Variants in RNF135 observed in about 807,000 individuals in gnomAD.
RNF135 encodes the protein ring finger protein 135.
In RNF135, 46 loss-of-function variants were observed where a neutral mutation model predicts 41.9. That is an observed-to-expected ratio of 1.10 (90% CI 0.87 to 1.40). The LOEUF is 1.40. Ranked by LOEUF, RNF135 falls within the 40% of genes most tolerant of loss-of-function variation. The pLI is 0.00. For synonymous variants in RNF135, 238 were observed against 223.8 expected (o/e 1.06, Z -0.57); for missense variants, 539 against 549.8 (o/e 0.98, Z 0.20).
At chr17:30,968,030 G>C (rs1158220631), upstream of RNF135, among the ~76,000 whole-genome samples, 1 of 152,062 alleles carries the variant, frequency 6.6e-6, no homozygotes, top group Non-Finnish European at 1.5e-5. Flanking sequence ...TAGCACTTGG[G>C]AGGATGAGGT....
intron 3 of RNF135, among the ~76,000 whole-genome samples, chr17:30,988,590 C>G (rs1907764004): frequency 6.6e-6 from 1 of 151,230 alleles, no homozygotes; most frequent in African/African-American, 2.4e-5. Flanking sequence ...ACCATGCTGG[C>G]TAATTTTTTG....
At chr17:30,974,519 T>A (rs2142662755) in intron 1 of RNF135, among the ~76,000 whole-genome samples, 1 of 152,124 alleles carries the variant, frequency 6.6e-6, no homozygotes, top group Non-Finnish European at 1.5e-5. Flanking sequence ...TTAACAATAT[T>A]AAGTCTTCTT....
At position 30,977,648 on chromosome 17, in the gene RNF135, A is replaced by G. The variant is rs1190847177; in HGVS notation, c.372+6203A>G. 2.0e-5 allele frequency among the ~76,000 whole-genome samples: 3 copies of G among 152,284 alleles called. No individual in the cohort carries two copies. In the East Asian group the frequency reaches 5.8e-4, roughly 29 times the overall value. ...CTCAGCCTCCCAAAGTGCTGGGATT[A>G]CAGGCCACCTCCTGGGTTCAAGCGA... On this transcript the variant is annotated intron_variant, in intron 1 of 4. Coordinates refer to ENST00000328381, the MANE Select transcript of RNF135 (RefSeq NM_032322.4).
the RNF135 span, among the ~76,000 whole-genome samples, chr17:30,961,692 G>A: frequency 1.3e-5 from 2 of 151,832 alleles, no homozygotes; most frequent in African/African-American, 2.4e-5. Flanking sequence ...TCAAACTCCC[G>A]ACCTCAGGTG....
chr17:30,966,408 TATTTTATTTTTTTA>T (rs1226137450), upstream of RNF135, among the ~76,000 whole-genome samples: 9 of 134,010 alleles, frequency 6.7e-5, no homozygotes, highest in African/African-American at 3.4e-4. Context: ...TTTTTTATTT[TATTTTATTTTTTTA>T]TTTATTTTTA....
chr17:30,978,976 G>T, intron 1 of RNF135: 1 of 199,760 alleles, frequency 5.0e-6, no homozygotes, highest in South Asian at 6.0e-5. Flanking sequence ...TCTTAGTACA[G>T]AACAAAATGA....
At chr17:30,993,374 T>C (rs1908124042) in intron 3 of RNF135, among the ~76,000 whole-genome samples, 1 of 151,822 alleles carries the variant, frequency 6.6e-6, no homozygotes, top group African/African-American at 2.4e-5. Flanking sequence ...CTTGGCCTTA[T>C]TTATTTTTTA....
At chr17:30,970,840 C>T, upstream of RNF135, 1 of 600,870 alleles carries the variant, frequency 1.7e-6, no homozygotes, top group Non-Finnish European at 2.8e-6. Context: ...ATGTTGGTTT[C>T]CCAGGGCAAG....
intron 3 of RNF135, among the ~76,000 whole-genome samples, chr17:30,990,221 A>G (rs1290495504): frequency 1.3e-5 from 2 of 151,836 alleles, no homozygotes; most frequent in African/African-American, 4.8e-5. Context: ...TTAAAATTTC[A>G]TATTCAAAAA....
At chr17:30,983,349 A>AT (rs1907339481) in intron 1 of RNF135, among the ~76,000 whole-genome samples, 3 of 38,702 alleles carry the variant, frequency 7.8e-5, no homozygotes, top group Non-Finnish European at 1.5e-4. Context: ...ATATATATAT[A>AT]TATATTTTTT....
intron 1 of RNF135, among the ~76,000 whole-genome samples, chr17:30,974,601 T>G (rs186970608): frequency 6.6e-6 from 1 of 151,794 alleles, no homozygotes; most frequent in African/African-American, 2.4e-5. Context: ...TTTTTTTTTT[T>G]GTAGTTTTAA....
chr17:30,971,443 C>T lies in RNF135; in HGVS notation c.370C>T (p.Arg124Trp). The T allele has an allele frequency of 4.7e-6, 7 of 1,503,760 alleles. No homozygotes were observed. Among genetic ancestry groups the T allele is most frequent in the Non-Finnish European group, 4.4e-6 (5 of 1,134,822 alleles). 93.2% of individuals were successfully genotyped at this position (1,503,760 alleles called of 1,614,324 possible). Residue 124 changes from arginine to tryptophan, a missense_variant and splice_region_variant, in exon 1 of 5, where the codon CGG (arginine) becomes TGG (tryptophan). This residue lies in a region of RNF135 where 277 missense variants were observed against 212.8 expected (regional missense o/e 1.30). Transcript: ENST00000328381. ...GCCCCGGCGCCGCCCGGAACTGCAG[C>T]GGGTAGGGAGGCCGGGCCCGCAGCT... ...ARPRRRPELQ[R>W]VAVEKSITEV...
chr17:30,980,772 G>A (rs1383554815), intron 1 of RNF135, among the ~76,000 whole-genome samples: 9 of 145,902 alleles, frequency 6.2e-5, no homozygotes, highest in Admixed American at 2.0e-4. Flanking sequence ...ATGGGCGGCC[G>A]GGCAGAGACG....
At chr17:30,973,837 T>C (rs1906211807) in intron 1 of RNF135, among the ~76,000 whole-genome samples, 1 of 152,176 alleles carries the variant, frequency 6.6e-6, no homozygotes, top group Non-Finnish European at 1.5e-5. Context: ...TTGTATATGG[T>C]GTGAATTAGG....
chr17:30,987,810 G>A (rs972790350), intron 2 of RNF135, 134 bp from the exon 3 acceptor site: 2 of 780,972 alleles, frequency 2.6e-6, no homozygotes, highest in Non-Finnish European at 4.2e-6. Context: ...ATTTTTTGAG[G>A]GCCTAATTTT....
At chr17:30,975,652 A>T in intron 1 of RNF135, 1 of 1,241,150 alleles carries the variant, frequency 8.1e-7, no homozygotes, top group Non-Finnish European at 1.2e-6. Context: ...CACAACCGCC[A>T]ATACCGGAGG....
At chr17:30,963,683 A>C in the RNF135 span, among the ~76,000 whole-genome samples, 2 of 152,190 alleles carry the variant, frequency 1.3e-5, no homozygotes, top group Non-Finnish European at 2.9e-5. Context: ...ATTTTCTTCC[A>C]GTCCATAGTT....
intron 2 of RNF135, among the ~76,000 whole-genome samples, chr17:30,987,452 G>A (rs1187163826): frequency 1.3e-5 from 2 of 151,970 alleles, no homozygotes; most frequent in African/African-American, 4.8e-5. Context: ...GGCTGGTCTC[G>A]GATTCCTGAC....
At chr17:30,975,731 C>A in intron 1 of RNF135, 1 of 1,375,790 alleles carries the variant, frequency 7.3e-7, no homozygotes, top group Non-Finnish European at 1.0e-6. Context: ...CACTGCTCAC[C>A]TGATTGGCCT....
Sources: allele counts gnomAD v4.1 joint callset (sites outside exome capture counted in the v4.1 genomes callset), GRCh38; gene constraint gnomAD v4.1.1; regional missense constraint gnomAD v4.1.1; transcripts MANE v1.5; gene names NCBI Gene and HGNC (gene_info 2026-07-23, HGNC 2026-07-21).